PAK4: variants seen among roughly 807,000 people sequenced by gnomAD.
The protein encoded by PAK4 is p21 (RAC1) activated kinase 4, also known as serine/threonine-protein kinase PAK 4.
PAK4 carries 49 observed loss-of-function variants against 53.5 expected under a neutral mutation model. The ratio of observed to expected loss-of-function variants is 0.92; its 90% CI spans 0.73 to 1.16. The LOEUF (loss-of-function observed/expected upper bound fraction) is 1.16. PAK4 is among the 50% of genes most tolerant of loss of function. The probability of loss-of-function intolerance (pLI) is 0.00; values close to 1 mark genes in which losing one functional copy is unlikely to be tolerated. For missense variants in PAK4, 824 were observed against 850.7 expected (o/e 0.97, Z 0.39); for synonymous variants, 376 against 375.6 (o/e 1.00, Z -0.01).
intron 1 of PAK4, among the ~76,000 whole-genome samples, chr19:39,167,713 A>G (rs1446160803): frequency 6.6e-6 from 1 of 151,760 alleles, no homozygotes; most frequent in Admixed American, 6.6e-5. Flanking sequence ...CCGCTGCCAA[A>G]CCGGTTCCCC....
chr19:39,172,898 AC>A lies in PAK4; in HGVS notation c.205-18del. ...CCCACTCCTTGCTGGGCCCCCACCC[AC>A]CATTGCCTGGGACCCCAGACCATCG... On this transcript the variant is annotated intron_variant, in intron 2 of 8. Transcript: ENST00000358301. The A allele has an allele frequency of 6.6e-7, 1 of 1,509,736 alleles. No individual in the cohort carries two copies. The highest frequency in any genetic ancestry group is 8.9e-7 in the Non-Finnish European group (1 of 1,120,762). 93.5% of individuals were successfully genotyped at this position (1,509,736 alleles called of 1,614,324 possible). A position where few individuals can be genotyped will look rare whatever the true frequency, so the allele number is the denominator to read the frequency against.
At chr19:39,165,911 G>T (rs1441423099) in intron 1 of PAK4, among the ~76,000 whole-genome samples, 1 of 152,212 alleles carries the variant, frequency 6.6e-6, no homozygotes, top group African/African-American at 2.4e-5. Context: ...CCCCCTCTGT[G>T]CCTTGTTTTC....
At chr19:39,170,706 C>T (rs1840245175) in intron 2 of PAK4, among the ~76,000 whole-genome samples, 1 of 152,194 alleles carries the variant, frequency 6.6e-6, no homozygotes, top group Non-Finnish European at 1.5e-5. Flanking sequence ...GGGGAGAAGC[C>T]CCAAGGCCCA....
rs185283747 is a variant in PAK4, at chr19:39,139,849, T to C, written c.-23+13930T>C. On this transcript the variant is annotated intron_variant, in intron 1 of 8. Coordinates refer to ENST00000358301, the Ensembl canonical transcript of PAK4. ...TTTTTTAATGCTCCCCTGGCGACTC[T>C]GACATGCTTCTGAGCTGGAGTGAGG... 8.7e-4 allele frequency among the ~76,000 whole-genome samples: 133 copies of C among 152,246 alleles called. No homozygotes were observed. The East Asian group carries it at 0.023, about 26-fold the overall frequency.
chr19:39,158,908 C>T (rs775397339), intron 1 of PAK4, among the ~76,000 whole-genome samples: 1 of 152,190 alleles, frequency 6.6e-6, no homozygotes, highest in East Asian at 1.9e-4. Flanking sequence ...GCCCGGCATC[C>T]TCTGTAGTGT....
Position 39,173,137 on chromosome 19 carries a change from AGCGAG to A in PAK4, c.428_432del (p.Glu143GlyfsTer6). 1 of 1,544,718 alleles carries A rather than the reference AGCGAG, an allele frequency of 6.5e-7. No individual in the cohort carries two copies. ...CAGCCGAGGCCGGTTCGCCGGTCAC[AGCGAG>A]GCGGGTGGCGGCAGTGGTGACAGGC... On this transcript the variant is annotated frameshift_variant, in exon 3 of 9. Coordinates refer to ENST00000358301, the Ensembl canonical transcript of PAK4. LOFTEE classifies it high-confidence loss of function. The surrounding 1 kb of genome is among the most constrained non-coding windows in gnomAD (Gnocchi z 6.9).
At chr19:39,127,395 G>A (rs1284271079) in intron 1 of PAK4, among the ~76,000 whole-genome samples, 1 of 151,878 alleles carries the variant, frequency 6.6e-6, no homozygotes, top group Non-Finnish European at 1.5e-5. Context: ...CTGACGGGTC[G>A]CTCACTCTCA....
At chr19:39,135,317 G>T in intron 1 of PAK4, 1 of 140,674 alleles carries the variant, frequency 7.1e-6, no homozygotes, top group South Asian at 2.3e-4. Flanking sequence ...GGAGTCAAGT[G>T]CTTATTCTTT....
exon 5 of PAK4, chr19:39,174,989 T>C: frequency 6.2e-7 from 1 of 1,613,814 alleles, no homozygotes; most frequent in Non-Finnish European, 8.5e-7. Context: ...AACAGCTACC[T>C]GGTGGGGGAC....
At chr19:39,150,595 A>C (rs1330266255) in intron 1 of PAK4, among the ~76,000 whole-genome samples, 1 of 152,026 alleles carries the variant, frequency 6.6e-6, no homozygotes, top group African/African-American at 2.4e-5. Context: ...TACATCTGTA[A>C]AACCCAGGCC....
At chr19:39,152,988 G>C (rs1600351330) in intron 1 of PAK4, among the ~76,000 whole-genome samples, 1 of 152,124 alleles carries the variant, frequency 6.6e-6, no homozygotes, top group Non-Finnish European at 1.5e-5. Flanking sequence ...CCTGGATGTG[G>C]TACCTCCTGC....
chr19:39,133,132 T>C (rs907008164), intron 1 of PAK4, among the ~76,000 whole-genome samples: 39 of 152,208 alleles, frequency 2.6e-4, no homozygotes, highest in African/African-American at 9.2e-4. Flanking sequence ...GCTTTGTCTC[T>C]TACTAGCAGT....
At chr19:39,181,683 G>A (rs988276320), downstream of PAK4, 2 of 152,220 alleles carry the variant, frequency 1.3e-5, no homozygotes, top group South Asian at 2.1e-4. Flanking sequence ...CGCCTGGAGC[G>A]GAACAGGGGA....
At chr19:39,156,626 C>T (rs577136988) in intron 1 of PAK4, 206 of 152,438 alleles carry the variant, frequency 1.4e-3, no homozygotes, top group South Asian at 7.7e-3. Flanking sequence ...GCCTCCCTCC[C>T]GCCCTCCGTG....
chr19:39,155,525 C>T (rs913435180), intron 1 of PAK4, among the ~76,000 whole-genome samples: 4 of 152,018 alleles, frequency 2.6e-5, no homozygotes, highest in Non-Finnish European at 5.9e-5. Flanking sequence ...AGCAGCCCTC[C>T]GGAGGCCTCG....
At chr19:39,138,152 A>AT (rs1210978425) in intron 1 of PAK4, among the ~76,000 whole-genome samples, 7 of 151,638 alleles carry the variant, frequency 4.6e-5, no homozygotes, top group Admixed American at 2.6e-4. Context: ...CTAATGGGCT[A>AT]ATTTTTTTTA....
At chr19:39,126,446 G>A (rs2073579947) in intron 1 of PAK4, among the ~76,000 whole-genome samples, 1 of 8,450 alleles carries the variant, frequency 1.2e-4, no homozygotes, top group African/African-American at 9.1e-4. Flanking sequence ...GCGGGGGACG[G>A]GGGGGGGGGG....
At chr19:39,133,441 T>G (rs1467291051) in intron 1 of PAK4, among the ~76,000 whole-genome samples, 2 of 152,082 alleles carry the variant, frequency 1.3e-5, no homozygotes, top group African/African-American at 4.8e-5. Context: ...GTTCTTAGGA[T>G]CTCCCTTTTC....
At position 39,134,587 on chromosome 19, in the gene PAK4, T is replaced by C. The variant is rs567329180; in HGVS notation, c.-23+8668T>C. Among the ~76,000 whole-genome samples the C allele has an allele frequency of 2.3e-3, 348 of 151,932 alleles. 5 individuals carry two copies. The highest frequency in any genetic ancestry group is 4.8e-3 in the Admixed American group (73 of 15,264). ...GAGTGTATCTGTAGTCATTCATCTT[T>C]GTTGCTGTATAATATTCTTTTTTTT... is the stretch of plus-strand genomic sequence containing the variant. On this transcript the variant is annotated intron_variant, in intron 1 of 8. Coordinates refer to ENST00000358301, the Ensembl canonical transcript of PAK4.
Sources: allele counts gnomAD v4.1 joint callset (sites outside exome capture counted in the v4.1 genomes callset), GRCh38; gene constraint gnomAD v4.1.1; non-coding constraint Gnocchi (gnomAD v3.1); transcripts MANE v1.5; gene names NCBI Gene and HGNC (gene_info 2026-07-23, HGNC 2026-07-21).